Variants in NKAPD1 observed in about 807,000 individuals in gnomAD.
NKAPD1 encodes the protein uncharacterized protein NKAPD1.
Under a neutral mutation model 30.9 loss-of-function variants are expected in NKAPD1, and 12 were observed. The observed-to-expected ratio is 0.39, with a 90% CI of 0.25 to 0.63. The LOEUF (loss-of-function observed/expected upper bound fraction) is 0.63, where lower values mean the gene tolerates loss of function less well. NKAPD1 is among the 20% of genes least tolerant of loss of function. The pLI is 0.51. For missense variants in NKAPD1, 311 were observed against 344.5 expected (o/e 0.90, Z 0.77); for synonymous variants, 91 against 113.6 (o/e 0.80, Z 1.26).
In NKAPD1 at chr11:112,077,755, A is replaced by G. The variant is rs1054661611; in HGVS notation, c.70-460A>G. 2.0e-5 allele frequency among the ~76,000 whole-genome samples: 3 copies of G among 152,202 alleles called. No individual in the cohort carries two copies. In the South Asian group the frequency reaches 6.2e-4, roughly 32 times the overall value. On this transcript the variant is annotated intron_variant, in intron 2 of 5. Coordinates refer to ENST00000393047, the MANE Select transcript of NKAPD1 (RefSeq NM_018195.4). ...ATTGGACTGTTCAGCCACTTTCTAG[A>G]GAAACCAATTTGTTTTCCAGGTTCC...
At position 112,080,491 on chromosome 11, in the gene NKAPD1, G is replaced by T. The variant is rs371358736; in HGVS notation, c.253G>T (p.Asp85Tyr). 5.6e-6 allele frequency: 9 copies of T among 1,614,062 alleles called. No individual in the cohort carries two copies. The highest frequency in any genetic ancestry group is 1.3e-5 in the African/African-American group (1 of 75,032). Residue 85 changes from aspartate to tyrosine, a missense_variant, in exon 4 of 6, where the codon GAT becomes TAT. Physicochemically the swap from Asp to Tyr is radical, Grantham distance 160. Coordinates refer to ENST00000393047, the MANE Select transcript of NKAPD1 (RefSeq NM_018195.4). ...GAATGAAATTTCTGGGACACTGGAA[G>T]ATGATTTTCTTAAGGCTAAATCCTG... ...PKNEISGTLE[D>Y]DFLKAKSWNK...
Position 112,077,597 on chromosome 11 carries a change from A to G in NKAPD1, c.70-618A>G, listed in dbSNP as rs571865406. 5.3e-5 allele frequency among the ~76,000 whole-genome samples: 8 copies of G among 152,312 alleles called. No individual in the cohort carries two copies. In the South Asian group the frequency reaches 1.5e-3, roughly 28 times the overall value. The stretch of plus-strand genomic sequence containing the variant: ...ATTGAGATGATATAATTAAAATCAT[A>G]TTGCATTTTGGAAATGTGGCATTAT... On this transcript the variant is annotated intron_variant, in intron 2 of 5. Coordinates refer to ENST00000393047, the MANE Select transcript of NKAPD1 (RefSeq NM_018195.4).
rs1358674794 is a variant in NKAPD1 at position 112,084,063 on chromosome 11, A to C, written c.*1091A>C. On this transcript the variant is annotated 3_prime_UTR_variant, in exon 6 of 6. Transcript: ENST00000393047. ...GCAAGTGCATTTTTTCACTGTGGGAAGAAAGATCAAGTGACGTATTATTTT... is the reference window on the plus strand; with the variant it reads ...GCAAGTGCATTTTTTCACTGTGGGACGAAAGATCAAGTGACGTATTATTTT... 6.6e-6 allele frequency: 1 copy of C among 152,660 alleles called. No homozygotes were observed. The highest frequency in any genetic ancestry group is 2.4e-5 in the African/African-American group (1 of 41,468). The allele number at this position is 152,660 out of a possible 1,614,324, so 9.5% of individuals were successfully genotyped here.
chr11:112,079,028 G>A (rs1331274401), intron 3 of NKAPD1, among the ~76,000 whole-genome samples: 1 of 152,106 alleles, frequency 6.6e-6, no homozygotes, highest in South Asian at 2.1e-4. Flanking sequence ...AAGTGTAAGA[G>A]CTACATATAT....
intron 2 of NKAPD1, among the ~76,000 whole-genome samples, chr11:112,076,540 T>G (rs1198916256): frequency 1.3e-4 from 20 of 152,196 alleles, no homozygotes; most frequent in Admixed American, 1.3e-3. Context: ...TAAGTGCCAA[T>G]AGCCTACTAC....
At chr11:112,080,214 G>T (rs1276786928) in intron 3 of NKAPD1, among the ~76,000 whole-genome samples, 195 bp from the exon 4 acceptor site, 1 of 150,948 alleles carries the variant, frequency 6.6e-6, no homozygotes, top group Non-Finnish European at 1.5e-5. Flanking sequence ...GGCCTGGTCA[G>T]ATTTCTTCCA....
chr11:112,074,580 A>G lies in NKAPD1; in HGVS notation c.-345A>G. 2.5e-6 allele frequency: 1 copy of G among 398,562 alleles called. No individual in the cohort carries two copies. The highest frequency in any genetic ancestry group is 1.3e-4 in the South Asian group (1 of 7,808). The allele number at this position is 398,562 out of a possible 1,614,324, so 24.7% of individuals were successfully genotyped here. ...CAAAGCGTTCCCAGCCTTTCTGGGG[A>G]GTGAAACTTACCCCCGGGGTTCGTC... On this transcript the variant is annotated 5_prime_UTR_variant, in exon 1 of 6. Transcript: ENST00000393047.
rs71301698 is a variant in NKAPD1, at chr11:112,084,799, CT to C, written c.*1844del. ...CTTTCGCAAGGAATACACATCTTGC[CT>C]TTTTTTTTTTTTTTTTGCCATGTTT... On this transcript the variant is annotated 3_prime_UTR_variant, in exon 6 of 6. Coordinates refer to ENST00000393047, the MANE Select transcript of NKAPD1 (RefSeq NM_018195.4). 289 of 101,202 alleles carry C rather than the reference CT, an allele frequency of 2.9e-3. No individual in the cohort carries two copies. The highest frequency in any genetic ancestry group is 7.2e-3 in the South Asian group (21 of 2,928). The allele number at this position is 101,202 out of a possible 1,614,324, so 6.3% of individuals were successfully genotyped here. A position where few individuals can be genotyped will look rare whatever the true frequency, so the allele number is the denominator to read the frequency against.
chr11:112,079,129 G>C (rs997701682), intron 3 of NKAPD1, among the ~76,000 whole-genome samples: 5 of 147,858 alleles, frequency 3.4e-5, no homozygotes, highest in Non-Finnish European at 7.4e-5. Context: ...TGGTACATAG[G>C]AGGCCCTTAC....
intron 1 of NKAPD1, among the ~76,000 whole-genome samples, chr11:112,075,301 A>G (rs1172678231): frequency 6.6e-6 from 1 of 152,256 alleles, no homozygotes; most frequent in African/African-American, 2.4e-5. Context: ...TGAGGATTAA[A>G]TAAAATGGTG....
chr11:112,082,326 TAA>T, intron 5 of NKAPD1, 137 bp from the exon 6 acceptor site: 1 of 790,494 alleles, frequency 1.3e-6, no homozygotes, highest in Non-Finnish European at 1.9e-6. Context: ...ATGAGAATAT[TAA>T]AGTGTTAAAG....
At chr11:112,075,730 A>C in intron 2 of NKAPD1, 87 bp downstream of exon 2, 1 of 1,376,344 alleles carries the variant, frequency 7.3e-7, no homozygotes, top group South Asian at 1.3e-5. Flanking sequence ...GGGAGATACA[A>C]AGAATATTCT....
At position 112,082,880 on chromosome 11, in the gene NKAPD1, G is replaced by A; in HGVS notation, c.790G>A (p.Ala264Thr). The stretch of plus-strand genomic sequence containing the variant: ...AGAGAAAAAAGCCCATACCTCTGTA[G>A]CCAACAATGAAATACAGGAGAGGAC... ...KREKKAHTSV[A>T]NNEIQERTNK... The change falls in exon 6 of 6, where the codon GCC becomes ACC. Residue 264 changes from alanine (A) to threonine (T), a missense_variant. Coordinates refer to ENST00000393047, the MANE Select transcript of NKAPD1 (RefSeq NM_018195.4). The A allele has an allele frequency of 6.2e-7, 1 of 1,613,490 alleles. No homozygotes were observed.
chr11:112,075,440 CT>C, intron 1 of NKAPD1, 126 bp from the exon 2 acceptor site: 1 of 673,534 alleles, frequency 1.5e-6, no homozygotes, highest in Non-Finnish European at 2.5e-6. Flanking sequence ...GAAAACTATT[CT>C]TTAGAATCTC....
chr11:112,079,782 G>A (rs1051871948), intron 3 of NKAPD1, among the ~76,000 whole-genome samples: 5 of 151,946 alleles, frequency 3.3e-5, no homozygotes, highest in African/African-American at 1.2e-4. Context: ...GCAATAGGAT[G>A]GGTACTAATG....
At chr11:112,082,228 G>T (rs1201217493) in intron 5 of NKAPD1, 193 bp downstream of exon 5, 9 of 705,832 alleles carry the variant, frequency 1.3e-5, no homozygotes, top group Non-Finnish European at 1.8e-5. Context: ...AAGCATTTTG[G>T]TTTTTATATA....
intron 3 of NKAPD1, 62 bp from the exon 4 acceptor site, chr11:112,080,347 T>G: frequency 6.4e-7 from 1 of 1,555,660 alleles, no homozygotes; most frequent in South Asian, 1.1e-5. Flanking sequence ...GTGCATGATG[T>G]TCCATAAAGT....
chr11:112,074,510 G>C lies in NKAPD1; in HGVS notation c.-415G>C, dbSNP rs1281050553. On this transcript the variant is annotated 5_prime_UTR_variant, in exon 1 of 6. Transcript: ENST00000393047. ...TTGGAAACCTCAACCCCCGCTTCAG[G>C]CTCCCTAGATACTTTCTGGGGCCCA... 3 of 398,908 alleles carry C rather than the reference G, an allele frequency of 7.5e-6. No homozygotes were observed. The highest frequency in any genetic ancestry group is 1.3e-5 in the Non-Finnish European group (3 of 226,096). 24.7% of individuals were successfully genotyped at this position (398,908 alleles called of 1,614,324 possible). A position where few individuals can be genotyped will look rare whatever the true frequency, so the allele number is the denominator to read the frequency against.
chr11:112,082,946 T>A lies in NKAPD1; in HGVS notation c.856T>A (p.Ser286Thr). 6.2e-7 allele frequency: 1 copy of A among 1,602,440 alleles called. No individual in the cohort carries two copies. Among genetic ancestry groups the A allele is most frequent in the Non-Finnish European group, 8.5e-7 (1 of 1,177,240 alleles). The change falls in exon 6 of 6, where the codon TCT becomes ACT. Residue 286 changes from serine (S) to threonine (T), a missense_variant. By Grantham distance (58) the Ser-to-Thr change is moderately conservative (BLOSUM62 1). Coordinates refer to ENST00000393047, the MANE Select transcript of NKAPD1 (RefSeq NM_018195.4). ...TTGGAAAGTAGCTACAGATGAAAGG[T>A]CTGCTGAGAGCTCAGAGGATGACTA... ...TNWKVATDERSAESSEDD is the reference protein window; with the variant it reads ...TNWKVATDERTAESSEDD
Sources: allele counts gnomAD v4.1 joint callset (sites outside exome capture counted in the v4.1 genomes callset), GRCh38; gene constraint gnomAD v4.1.1; transcripts MANE v1.5; gene names NCBI Gene and HGNC (gene_info 2026-07-23, HGNC 2026-07-21).